TSPAN12: variants seen among roughly 807,000 people sequenced by gnomAD.
TSPAN12 encodes tetraspanin-12.
In TSPAN12, 19 loss-of-function variants were observed where a neutral mutation model predicts 39.2. The ratio of observed to expected loss-of-function variants is 0.49; its 90% CI spans 0.34 to 0.71. The LOEUF (loss-of-function observed/expected upper bound fraction) is 0.71. Ranked by LOEUF, TSPAN12 falls within the 30% of genes least tolerant of loss-of-function variation. TSPAN12 has a pLI of 0.01. For missense variants in TSPAN12, 314 were observed against 359.9 expected, an observed-to-expected ratio of 0.87 and a Z score of 1.03; for synonymous variants, 119 against 124.8, an observed-to-expected ratio of 0.95 and a Z score of 0.31.
chr7:120,830,548 G>A (rs1322463488), intron 4 of TSPAN12, among the ~76,000 whole-genome samples: 1 of 151,866 alleles, frequency 6.6e-6, no homozygotes, highest in African/African-American at 2.4e-5. Flanking sequence ...ACACACAATG[G>A]GAAATGGAAA....
intron 7 of TSPAN12, among the ~76,000 whole-genome samples, chr7:120,793,248 C>T (rs747350494): frequency 5.3e-5 from 8 of 152,294 alleles, no homozygotes; most frequent in Non-Finnish European, 1.2e-4. Flanking sequence ...TGATTTGTAA[C>T]TTTAAAAAAC....
chr7:120,811,648 T>A (rs1030509718), intron 5 of TSPAN12, among the ~76,000 whole-genome samples: 2 of 147,024 alleles, frequency 1.4e-5, no homozygotes, highest in African/African-American at 2.5e-5. Flanking sequence ...CCAGCCTGGG[T>A]GACAGAGCGA....
chr7:120,851,874 C>A (rs976006609), intron 2 of TSPAN12, among the ~76,000 whole-genome samples: 1 of 152,146 alleles, frequency 6.6e-6, no homozygotes, highest in Non-Finnish European at 1.5e-5. Context: ...TTTGTGCCGA[C>A]CCCAGTACAA....
chr7:120,834,598 T>C (rs1794443854), intron 4 of TSPAN12, among the ~76,000 whole-genome samples: 1 of 152,118 alleles, frequency 6.6e-6, no homozygotes, highest in African/African-American at 2.4e-5. Flanking sequence ...TATATATATA[T>C]AATCATTCAA....
At chr7:120,831,397 T>G (rs1780833709) in intron 4 of TSPAN12, among the ~76,000 whole-genome samples, 1 of 152,064 alleles carries the variant, frequency 6.6e-6, no homozygotes, top group Non-Finnish European at 1.5e-5. Flanking sequence ...GCAACCTAAG[T>G]GTCCATCAAT....
At chr7:120,797,843 A>G (rs2116312274) in intron 7 of TSPAN12, among the ~76,000 whole-genome samples, 1 of 152,260 alleles carries the variant, frequency 6.6e-6, no homozygotes, top group Non-Finnish European at 1.5e-5. Flanking sequence ...AGCCCCTACC[A>G]TCACATGATT....
chr7:120,795,880 C>T lies in TSPAN12; in HGVS notation c.613-6983G>A, dbSNP rs1397018780. Among the ~76,000 whole-genome samples, 7 of 152,310 alleles carry T rather than the reference C, an allele frequency of 4.6e-5. No individual in the cohort carries two copies. In the East Asian group the frequency reaches 1.3e-3, roughly 29 times the overall value. ...CACTACAAGACTTTCTGTTCTTTAG[C>T]TCTCTCTTAGGAGAACAGAAAGATA... On this transcript the variant is annotated intron_variant, in intron 7 of 7. Coordinates refer to ENST00000222747, the MANE Select transcript of TSPAN12 (RefSeq NM_012338.4).
At position 120,823,335 on chromosome 7, in the gene TSPAN12, T is replaced by C. The variant is rs572754876; in HGVS notation, c.286-7532A>G. On this transcript the variant is annotated intron_variant, in intron 4 of 7. Transcript: ENST00000222747. ...TATATTCGATGAAATGCCCAATATA[T>C]TTGACTATATAAAGAAAAAACTTAC... 7.9e-5 allele frequency among the ~76,000 whole-genome samples: 12 copies of C among 152,116 alleles called. No homozygotes were observed. In the South Asian group the frequency reaches 2.5e-3, roughly 32 times the overall value.
chr7:120,840,143 G>A (rs745463562), intron 2 of TSPAN12, 34 bp from the exon 3 acceptor site: 1 of 1,479,650 alleles, frequency 6.8e-7, no homozygotes, highest in Non-Finnish European at 9.5e-7. Flanking sequence ...GGTTACCAAA[G>A]ATTTACGTAA....
At chr7:120,841,404 T>C (rs948741465) in intron 2 of TSPAN12, among the ~76,000 whole-genome samples, 2 of 151,550 alleles carry the variant, frequency 1.3e-5, no homozygotes, top group Non-Finnish European at 2.9e-5. Context: ...TTTCTTGAAT[T>C]GAAAAAAAAA....
chr7:120,788,512 T>C lies in TSPAN12; in HGVS notation c.*80A>G, dbSNP rs1793452185. ...TGGCAACATTTTTATTTCTACATATTTCTGAAACACATAGTATGTACTCAA... is the reference window on the plus strand; with the variant it reads ...TGGCAACATTTTTATTTCTACATATCTCTGAAACACATAGTATGTACTCAA... On this transcript the variant is annotated 3_prime_UTR_variant, in exon 8 of 8. Coordinates refer to ENST00000222747, the MANE Select transcript of TSPAN12 (RefSeq NM_012338.4). 1 of 1,513,444 alleles carries C rather than the reference T, an allele frequency of 6.6e-7. No homozygotes were observed. The highest frequency in any genetic ancestry group is 1.4e-5 in the African/African-American group (1 of 72,496). The allele number at this position is 1,513,444 out of a possible 1,614,324, so 93.8% of individuals were successfully genotyped here.
chr7:120,854,424 C>T (rs1794831528), intron 2 of TSPAN12, among the ~76,000 whole-genome samples: 1 of 152,172 alleles, frequency 6.6e-6, no homozygotes, highest in Non-Finnish European at 1.5e-5. Flanking sequence ...ACTGCTATTG[C>T]AGAGATAGCA....
Position 120,840,016 on chromosome 7 carries a change from A to T in TSPAN12, c.149+11T>A. On this transcript the variant is annotated intron_variant, in intron 3 of 7. Coordinates refer to ENST00000222747, the MANE Select transcript of TSPAN12 (RefSeq NM_012338.4). The stretch of plus-strand genomic sequence containing the variant: ...GCAAGAAAGAATTCAATCAATAATT[A>T]TAAAGTATACCTCGTTTCTGCAGTT... 1 of 1,599,622 alleles carries T rather than the reference A, an allele frequency of 6.3e-7. No individual in the cohort carries two copies. Among genetic ancestry groups the T allele is most frequent in the Non-Finnish European group, 8.6e-7 (1 of 1,166,882 alleles).
intron 7 of TSPAN12, among the ~76,000 whole-genome samples, chr7:120,800,744 GTTTTT>G (rs148802163): frequency 8.4e-6 from 1 of 118,738 alleles, no homozygotes; most frequent in Non-Finnish European, 1.7e-5. Flanking sequence ...TTTCCTTATC[GTTTTT>G]TTTTGTTTTT....
In TSPAN12 at chr7:120,857,961, C is replaced by G. The variant is rs903674753; in HGVS notation, c.-212G>C. On this transcript the variant is annotated 5_prime_UTR_variant, in exon 1 of 8. Coordinates refer to ENST00000222747, the MANE Select transcript of TSPAN12 (RefSeq NM_012338.4). ...GCTGGAGACGCTTCTTTCTCTTCCTCTCCCCCCGCCGCCGCCGTCGCCGCC... is the reference window on the plus strand; with the variant it reads ...GCTGGAGACGCTTCTTTCTCTTCCTGTCCCCCCGCCGCCGCCGTCGCCGCC... The G allele has an allele frequency of 6.5e-6, 1 of 154,338 alleles. No individual in the cohort carries two copies. The highest frequency in any genetic ancestry group is 1.9e-4 in the East Asian group (1 of 5,190). The allele number at this position is 154,338 out of a possible 1,614,324, so 9.6% of individuals were successfully genotyped here.
intron 4 of TSPAN12, among the ~76,000 whole-genome samples, chr7:120,827,377 C>A (rs1237943298): frequency 2.0e-5 from 3 of 152,094 alleles, no homozygotes; most frequent in Non-Finnish European, 1.5e-5. Flanking sequence ...TATATTCATG[C>A]ACATACACTT....
At chr7:120,801,668 A>G (rs1455290242) in intron 7 of TSPAN12, among the ~76,000 whole-genome samples, 2 of 152,174 alleles carry the variant, frequency 1.3e-5, no homozygotes, top group Non-Finnish European at 2.9e-5. Context: ...GAGTCAGTCC[A>G]TTTGAAGCAG....
chr7:120,807,292 T>A (rs142396061), intron 6 of TSPAN12, among the ~76,000 whole-genome samples: 7 of 152,278 alleles, frequency 4.6e-5, no homozygotes, highest in Admixed American at 3.3e-4. Flanking sequence ...TCTATTACCA[T>A]AATCTCAGAA....
At chr7:120,799,633 AT>A (rs1793717209) in intron 7 of TSPAN12, among the ~76,000 whole-genome samples, 1 of 120,340 alleles carries the variant, frequency 8.3e-6, no homozygotes, top group South Asian at 2.2e-4. Flanking sequence ...TATAATTATT[AT>A]ATATACTTAT....
Sources: allele counts gnomAD v4.1 joint callset (sites outside exome capture counted in the v4.1 genomes callset), GRCh38; gene constraint gnomAD v4.1.1; transcripts MANE v1.5; gene names NCBI Gene and HGNC (gene_info 2026-07-23, HGNC 2026-07-21).